PSD3: variants seen among roughly 807,000 people sequenced by gnomAD.
PSD3 encodes pleckstrin and Sec7 domain containing 3.
A neutral mutation model predicts 105.5 loss-of-function variants in PSD3; 49 were observed. The ratio of observed to expected loss-of-function variants is 0.46; its 90% confidence interval spans 0.37 to 0.59. PSD3 has a LOEUF of 0.59. Among genes scored for constraint, PSD3 ranks in the 20% least tolerant of loss-of-function variants. PSD3 has a pLI of 0.00. For synonymous variants in PSD3, 557 were observed against 457.8 expected (o/e 1.22, Z -2.77); for missense variants, 1,561 against 1,263.8 (o/e 1.24, Z -3.57).
chr8:18,710,272 G>C (rs966937429), intron 9 of PSD3, among the ~76,000 whole-genome samples: 1 of 151,974 alleles, frequency 6.6e-6, no homozygotes, highest in Non-Finnish European at 1.5e-5. Flanking sequence ...GCTGAAGTAA[G>C]ACAGGCAGAA....
At chr8:18,947,201 C>T (rs1391373224) in intron 1 of PSD3, among the ~76,000 whole-genome samples, 2 of 152,096 alleles carry the variant, frequency 1.3e-5, no homozygotes, top group African/African-American at 2.4e-5. Context: ...GGAAACAAAC[C>T]AGGTAGCTGA....
intron 11 of PSD3, among the ~76,000 whole-genome samples, chr8:18,603,558 C>G (rs1014733352): frequency 3.3e-5 from 5 of 152,146 alleles, no homozygotes; most frequent in African/African-American, 4.8e-5. Flanking sequence ...CTTATGAAGA[C>G]ATTATTTCAC....
chr8:18,740,369 A>C (rs938541188), intron 9 of PSD3, among the ~76,000 whole-genome samples: 3 of 152,128 alleles, frequency 2.0e-5, no homozygotes, highest in Admixed American at 2.0e-4. Context: ...CTTCTCCTCA[A>C]TTCTGACAGC....
At chr8:18,785,757 G>C (rs1308919670) in intron 8 of PSD3, among the ~76,000 whole-genome samples, 1 of 152,078 alleles carries the variant, frequency 6.6e-6, no homozygotes, top group Non-Finnish European at 1.5e-5. Flanking sequence ...CCTTTCACTT[G>C]AACACTTAGA....
At chr8:18,536,527 C>A (rs552170463) in intron 15 of PSD3, among the ~76,000 whole-genome samples, 2 of 152,200 alleles carry the variant, frequency 1.3e-5, no homozygotes, top group African/African-American at 2.4e-5. Flanking sequence ...GGTTTCCCTC[C>A]GTTGCTTTTC....
rs185475229 is a variant in PSD3 at position 19,082,371 on chromosome 8, G to C, written c.324+1835C>G. The stretch of plus-strand genomic sequence containing the variant: ...CTCTTTTCTCCCTTAGGACTACTGA[G>C]GGCCCCTTTCACTTTAGTCCGCAAA... On this transcript the variant is annotated intron_variant, in intron 1 of 1. Coordinates refer to the PSD3 transcript ENST00000521475. Among the ~76,000 whole-genome samples the C allele has an allele frequency of 4.6e-3, 694 of 152,246 alleles. 5 individuals carry two copies. Among genetic ancestry groups the C allele is most frequent in the African/African-American group, 0.016 (663 of 41,530 alleles).
chr8:18,772,355 C>T (rs1281574473), intron 8 of PSD3, among the ~76,000 whole-genome samples: 2 of 152,022 alleles, frequency 1.3e-5, no homozygotes, highest in African/African-American at 2.4e-5. Context: ...TACAACAGTA[C>T]GTTTCCAATT....
intron 4 of PSD3, among the ~76,000 whole-genome samples, chr8:18,831,686 C>T (rs934634488): frequency 1.3e-5 from 2 of 152,176 alleles, no homozygotes; most frequent in Non-Finnish European, 2.9e-5. Context: ...GGCACCATTG[C>T]ACTCCAGCCT....
At chr8:18,973,975 G>C (rs754097195) in intron 1 of PSD3, among the ~76,000 whole-genome samples, 19 of 152,276 alleles carry the variant, frequency 1.2e-4, no homozygotes, top group Middle Eastern at 3.4e-3. Flanking sequence ...TTAAGTAGCA[G>C]GACAGGATCC....
At chr8:18,882,586 G>A (rs1193586212) in intron 2 of PSD3, among the ~76,000 whole-genome samples, 1 of 152,096 alleles carries the variant, frequency 6.6e-6, no homozygotes, top group Admixed American at 6.5e-5. Context: ...GCCTATTCTA[G>A]AATTCAGCAT....
chr8:19,026,980 T>C (rs922456860), intron 1 of PSD3, among the ~76,000 whole-genome samples: 4 of 152,184 alleles, frequency 2.6e-5, no homozygotes, highest in Non-Finnish European at 4.4e-5. Context: ...GAATAGTATG[T>C]TGTTTAAGAA....
chr8:18,790,600 C>A (rs1466624318), intron 8 of PSD3, among the ~76,000 whole-genome samples: 2 of 152,072 alleles, frequency 1.3e-5, no homozygotes, highest in African/African-American at 4.8e-5. Flanking sequence ...CTACGCCTGG[C>A]CAACATTCTT....
intron 12 of PSD3, among the ~76,000 whole-genome samples, chr8:18,593,533 A>C (rs28787103): frequency 0.41 from 61,973 of 151,832 alleles, 12,715 homozygotes; most frequent in South Asian, 0.58. Context: ...GTGGGACTGT[A>C]AACTAGTTCA....
In PSD3 at chr8:18,769,899, T is replaced by A. The variant is rs144455687; in HGVS notation, c.2083-4361A>T. 8.5e-5 allele frequency among the ~76,000 whole-genome samples: 13 copies of A among 152,352 alleles called. No individual in the cohort carries two copies. In the East Asian group the frequency reaches 1.7e-3, roughly 20 times the overall value. ...TTTATAAATTGATGAATGTTTAGACTATTTTCTTTTTTTGGCTATTATAAA... is the reference window on the plus strand; with the variant it reads ...TTTATAAATTGATGAATGTTTAGACAATTTTCTTTTTTTGGCTATTATAAA... On this transcript the variant is annotated intron_variant, in intron 8 of 15. Transcript: ENST00000327040.
intron 2 of PSD3, chr8:18,887,087 G>C (rs1818496345): frequency 6.6e-6 from 1 of 152,216 alleles, no homozygotes; most frequent in South Asian, 2.1e-4. Flanking sequence ...TACCATCCTG[G>C]GTGACATCAG....
chr8:19,022,068 A>T (rs1433959010), intron 1 of PSD3, among the ~76,000 whole-genome samples: 1 of 152,190 alleles, frequency 6.6e-6, no homozygotes, highest in Non-Finnish European at 1.5e-5. Context: ...AGGGACAGGC[A>T]TGTCACATTG....
chr8:18,768,259 C>A (rs335219), intron 8 of PSD3, among the ~76,000 whole-genome samples: 1 of 151,318 alleles, frequency 6.6e-6, no homozygotes, highest in Non-Finnish European at 1.5e-5. Context: ...GCACTCCAGC[C>A]TGAGCGACAG....
At chr8:18,570,904 G>C (rs896776733) in intron 14 of PSD3, among the ~76,000 whole-genome samples, 2 of 150,640 alleles carry the variant, frequency 1.3e-5, no homozygotes, top group Admixed American at 1.3e-4. Context: ...CTGTCGCCCA[G>C]GCTGGAATGC....
chr8:18,593,734 T>A (rs1445978844), intron 12 of PSD3, among the ~76,000 whole-genome samples: 2 of 152,058 alleles, frequency 1.3e-5, no homozygotes, highest in African/African-American at 2.4e-5. Flanking sequence ...CAAATGTCCA[T>A]CAGTGATAGA....
Sources: allele counts gnomAD v4.1 joint callset (sites outside exome capture counted in the v4.1 genomes callset), GRCh38; gene constraint gnomAD v4.1.1; transcripts MANE v1.5; gene names NCBI Gene and HGNC (gene_info 2026-07-23, HGNC 2026-07-21).